The following BCL2L14 variants were observed in gnomAD, a reference collection of about 807,000 sequenced individuals.
BCL2L14 encodes the protein BCL2 like 14, also known as apoptosis facilitator Bcl-2-like protein 14.
Under a neutral mutation model 35.3 loss-of-function variants are expected in BCL2L14, and 27 were observed. The observed-to-expected ratio is 0.76, with a 90% confidence interval of 0.56 to 1.05. The LOEUF (loss-of-function observed/expected upper bound fraction) is 1.05. Ranked by LOEUF, BCL2L14 falls within the 50% of genes least tolerant of loss-of-function variation. The pLI is 0.00. For missense variants in BCL2L14, 377 were observed against 382.6 expected (o/e 0.99, Z 0.12); for synonymous variants, 139 against 145.9 (o/e 0.95, Z 0.34).
At chr12:12,061,423 G>A (rs1310270265) in intron 2 of BCL2L14, among the ~76,000 whole-genome samples, 1 of 151,932 alleles carries the variant, frequency 6.6e-6, no homozygotes, top group African/African-American at 2.4e-5. Flanking sequence ...GTTGTCACTC[G>A]CCTGCTACAG....
At chr12:12,095,921 C>A in intron 5 of BCL2L14, 1 of 985,410 alleles carries the variant, frequency 1.0e-6, no homozygotes, top group South Asian at 4.7e-5. Context: ...AGTGGCTGAT[C>A]TGAACAACCA....
At chr12:12,072,820 CAAGT>C (rs779439547) in intron 1 of BCL2L14, among the ~76,000 whole-genome samples, 4 of 151,996 alleles carry the variant, frequency 2.6e-5, no homozygotes, top group South Asian at 4.1e-4. Flanking sequence ...ACTGAACAAT[CAAGT>C]AATTTATAAC....
intron 2 of BCL2L14, among the ~76,000 whole-genome samples, chr12:12,084,113 CTTTTAT>C (rs1445305750): frequency 1.3e-5 from 2 of 152,080 alleles, no homozygotes; most frequent in Non-Finnish European, 2.9e-5. Context: ...ATTCAGCTCC[CTTTTAT>C]TTTATTATTA....
chr12:12,080,127 C>T (rs894469962), intron 2 of BCL2L14, among the ~76,000 whole-genome samples: 1 of 151,590 alleles, frequency 6.6e-6, no homozygotes, highest in Non-Finnish European at 1.5e-5. Flanking sequence ...ATGGCGTGAA[C>T]CCAGCAGGCG....
intron 1 of BCL2L14, among the ~76,000 whole-genome samples, chr12:12,051,248 C>G (rs1009363379): frequency 1.1e-4 from 16 of 152,180 alleles, no homozygotes; most frequent in African/African-American, 3.6e-4. Flanking sequence ...AAGAATGAAC[C>G]TAAGCCAGAC....
chr12:12,093,233 T>C (rs1949233345), intron 4 of BCL2L14, among the ~76,000 whole-genome samples: 2 of 152,162 alleles, frequency 1.3e-5, no homozygotes, highest in South Asian at 2.1e-4. Context: ...GAACATTGCA[T>C]GCAAGGGAGT....
intron 4 of BCL2L14, 50 bp from the exon 5 acceptor site, chr12:12,094,614 G>A: frequency 6.2e-7 from 1 of 1,614,228 alleles, no homozygotes; most frequent in African/African-American, 1.3e-5. Flanking sequence ...ACTTCTGTCT[G>A]CCTCGTGGAG....
At chr12:12,077,593 A>AG (rs1465363821) in intron 1 of BCL2L14, 1 of 152,402 alleles carries the variant, frequency 6.6e-6, no homozygotes, top group East Asian at 1.9e-4. Context: ...AACTAGAAAA[A>AG]AAACATAGCT....
At chr12:12,057,615 GGT>G (rs1453147302) in intron 2 of BCL2L14, among the ~76,000 whole-genome samples, 2 of 151,974 alleles carry the variant, frequency 1.3e-5, no homozygotes, top group Non-Finnish European at 2.9e-5. Flanking sequence ...AAATTAGCTG[GGT>G]GTGGTGACAC....
At chr12:12,082,001 A>G (rs2136754217) in intron 2 of BCL2L14, among the ~76,000 whole-genome samples, 1 of 152,338 alleles carries the variant, frequency 6.6e-6, no homozygotes, top group Non-Finnish European at 1.5e-5. Context: ...CAGCCCACTC[A>G]TAGACAGCTT....
upstream of BCL2L14, among the ~76,000 whole-genome samples, chr12:12,068,381 CTGTT>C (rs1176295155): frequency 6.6e-6 from 1 of 151,812 alleles, no homozygotes; most frequent in Non-Finnish European, 1.5e-5. Flanking sequence ...GTTTGTTTTT[CTGTT>C]TGTTTGTTTT....
At chr12:12,082,557 A>AT (rs929734390) in intron 2 of BCL2L14, among the ~76,000 whole-genome samples, 13 of 152,032 alleles carry the variant, frequency 8.6e-5, no homozygotes, top group Admixed American at 2.6e-4. Flanking sequence ...GTCATTTGAC[A>AT]TTTTTTTTAT....
At chr12:12,064,838 T>C (rs964207951) in intron 2 of BCL2L14, among the ~76,000 whole-genome samples, 1 of 152,226 alleles carries the variant, frequency 6.6e-6, no homozygotes, top group Admixed American at 6.5e-5. Context: ...GTCATGGTAG[T>C]CAGATCTCCT....
chr12:12,052,030 G>A (rs1044542400), intron 2 of BCL2L14, among the ~76,000 whole-genome samples: 29 of 152,238 alleles, frequency 1.9e-4, no homozygotes, highest in Admixed American at 5.2e-4. Context: ...AATAGGACAC[G>A]GCTGAGGACC....
At chr12:12,094,376 C>A in intron 4 of BCL2L14, 1 of 776,690 alleles carries the variant, frequency 1.3e-6, no homozygotes, top group Non-Finnish European at 2.2e-6. Flanking sequence ...CTCAGTCATC[C>A]ATACTACCTG....
rs750044386 is a variant in BCL2L14 at position 12,094,775 on chromosome 12, G to C, written c.790G>C (p.Glu264Gln). The part of the protein sequence containing the change: ...LMGVDPRGES[E>Q]VKAQGFKAAL... Reference sequence around the variant, plus strand: ...GGGTGTGGACCCCAGGGGAGAATCAGAGGTCAAAGCTCAGGGCTTTAAGGC... The same window carrying C: ...GGGTGTGGACCCCAGGGGAGAATCACAGGTCAAAGCTCAGGGCTTTAAGGC... Residue 264 changes from glutamate (E) to glutamine (Q), a missense_variant, in exon 5 of 6, where the codon GAG becomes CAG. Glu to Gln is a conservative substitution (Grantham distance 29). Transcript: ENST00000308721. The C allele has an allele frequency of 1.2e-6, 2 of 1,614,202 alleles. No homozygotes were observed. Among genetic ancestry groups the C allele is most frequent in the Non-Finnish European group, 1.7e-6 (2 of 1,180,030 alleles).
intron 2 of BCL2L14, among the ~76,000 whole-genome samples, chr12:12,082,343 C>G (rs575906864): frequency 3.9e-5 from 6 of 152,364 alleles, no homozygotes; most frequent in Admixed American, 3.9e-4. Context: ...CACCCCTCAG[C>G]TGCCCTCACC....
Position 12,079,408 on chromosome 12 carries a change from G to A in BCL2L14, c.103G>A (p.Val35Ile). The part of the protein sequence containing the change: ...KILAYYTRHH[V>I]FKSTPALFSP... Reference sequence around the variant, plus strand: ...CCTCGCCTACTACACCAGACATCATGTCTTCAAGAGCACCCCTGCTCTCTT... The same window carrying A: ...CCTCGCCTACTACACCAGACATCATATCTTCAAGAGCACCCCTGCTCTCTT... Residue 35 changes from valine to isoleucine, a missense_variant, in exon 2 of 6, where the codon GTC becomes ATC. Physicochemically the swap from Val to Ile is conservative, Grantham distance 29 (BLOSUM62 3). Transcript: ENST00000308721. 1 of 1,614,158 alleles carries A rather than the reference G, an allele frequency of 6.2e-7. No homozygotes were observed. Among genetic ancestry groups the A allele is most frequent in the Non-Finnish European group, 8.5e-7 (1 of 1,180,026 alleles).
At chr12:12,073,735 A>G (rs1948719548) in intron 1 of BCL2L14, among the ~76,000 whole-genome samples, 1 of 152,212 alleles carries the variant, frequency 6.6e-6, no homozygotes, top group Non-Finnish European at 1.5e-5. Context: ...ACCCAAGGAC[A>G]CAGTTCCTGA....
Sources: allele counts gnomAD v4.1 joint callset (sites outside exome capture counted in the v4.1 genomes callset), GRCh38; gene constraint gnomAD v4.1.1; transcripts MANE v1.5; gene names NCBI Gene and HGNC (gene_info 2026-07-23, HGNC 2026-07-21).